The following LCA5L variants were observed in gnomAD, a reference collection of about 807,000 sequenced individuals.
LCA5L encodes lebercilin LCA5 like.
LCA5L carries 35 observed loss-of-function variants against 45.4 expected under a neutral mutation model. That is an observed-to-expected ratio of 0.77 (90% confidence interval 0.59 to 1.02). The LOEUF is 1.02. Among genes scored for constraint, LCA5L ranks in the 50% least tolerant of loss-of-function variants. LCA5L has a pLI of 0.00. For synonymous variants in LCA5L, 233 were observed against 264.7 expected (o/e 0.88, Z 1.16); for missense variants, 668 against 761.6 (o/e 0.88, Z 1.45).
chr21:39,442,206 G>A (rs1232996335), intron 2 of LCA5L, among the ~76,000 whole-genome samples: 2 of 152,162 alleles, frequency 1.3e-5, no homozygotes, highest in Non-Finnish European at 2.9e-5. Flanking sequence ...GAGGGAGGAG[G>A]GAAAAACAAT....
chr21:39,437,469 C>CT (rs1420073111), intron 2 of LCA5L, among the ~76,000 whole-genome samples: 3 of 151,910 alleles, frequency 2.0e-5, no homozygotes, highest in South Asian at 2.1e-4. Context: ...TAAAATTAAT[C>CT]TTTTTTTTGA....
chr21:39,422,582 G>A (rs2073950128), intron 6 of LCA5L: 2 of 267,332 alleles, frequency 7.5e-6, no homozygotes, highest in Admixed American at 1.0e-4. Flanking sequence ...TTTTAGGGAA[G>A]TAGCCTTTTA....
At chr21:39,440,493 C>T (rs1471544762) in intron 2 of LCA5L, among the ~76,000 whole-genome samples, 1 of 152,062 alleles carries the variant, frequency 6.6e-6, no homozygotes, top group African/African-American at 2.4e-5. Flanking sequence ...TTTGATCATG[C>T]CAACACTGCA....
Position 39,406,224 on chromosome 21 carries a change from C to G in LCA5L, c.1671G>C (p.Lys557Asn). 2 of 1,614,238 alleles carry G rather than the reference C, an allele frequency of 1.2e-6. No homozygotes were observed. Among genetic ancestry groups the G allele is most frequent in the Non-Finnish European group, 1.7e-6 (2 of 1,180,040 alleles). The change falls in exon 11 of 11, where the codon AAG becomes AAC. Residue 557 changes from lysine to asparagine, a missense_variant. By Grantham distance (94) the Lys-to-Asn change is moderately conservative. Transcript: ENST00000288350. Reference protein sequence around the residue: ...GNMRYSHSTGKHLSNREEMEL... With the variant: ...GNMRYSHSTGNHLSNREEMEL... The stretch of plus-strand genomic sequence containing the variant: ...CCATTTCCTCTCTGTTACTGAGATG[C>G]TTGCCTGTACTATGACTGTACCTCA...
At chr21:39,407,223 T>TCAAAA (rs903799630) in intron 10 of LCA5L, among the ~76,000 whole-genome samples, 106 of 152,202 alleles carry the variant, frequency 7.0e-4, no homozygotes, top group African/African-American at 2.0e-3. Context: ...CAGAGCTGTT[T>TCAAAA]CAAAACAAAA....
chr21:39,439,297 G>GA lies in LCA5L; in HGVS notation c.-245-3725dup, dbSNP rs140651567. On this transcript the variant is annotated intron_variant, in intron 2 of 10. Coordinates refer to ENST00000288350, the MANE Select transcript of LCA5L (RefSeq NM_152505.4). Reference sequence around the variant, plus strand: ...GATCCTCCCTTGGATCCTCTAGAAGGAATCAGTCCTGCTGACATCCTAACT... The same window carrying GA: ...GATCCTCCCTTGGATCCTCTAGAAGGAAATCAGTCCTGCTGACATCCTAACT... Among the ~76,000 whole-genome samples the GA allele has an allele frequency of 6.6e-4, 101 of 152,308 alleles. 6 individuals are homozygous for GA. The East Asian group carries it at 0.019, about 29-fold the overall frequency.
intron 7 of LCA5L, among the ~76,000 whole-genome samples, chr21:39,419,104 AATTC>A (rs1474304112): frequency 6.6e-6 from 1 of 152,142 alleles, no homozygotes; most frequent in African/African-American, 2.4e-5. Flanking sequence ...ATACCAACAT[AATTC>A]ATCAGATGAA....
chr21:39,410,068 T>G lies in LCA5L; in HGVS notation c.1193A>C (p.His398Pro), dbSNP rs970766892. The change falls in exon 10 of 11, where the codon CAT becomes CCT. Residue 398 changes from histidine (H) to proline (P), a missense_variant. Coordinates refer to ENST00000288350, the MANE Select transcript of LCA5L (RefSeq NM_152505.4). ...ATTTATTTCAGTTGATTTTTCTTTA[T>G]GATCGATGTTTCCTGTTGCCTTTTT... ...KGKKATGNID[H>P]KEKSTEINHE... 5 of 1,611,252 alleles carry G rather than the reference T, an allele frequency of 3.1e-6. No individual in the cohort carries two copies. The Admixed American group carries it at 6.7e-5, about 22-fold the overall frequency.
In LCA5L at chr21:39,422,694, GCTCT is replaced by G. The variant is rs2073967199; in HGVS notation, c.837+278_837+281del. On this transcript the variant is annotated intron_variant, in intron 6 of 10. Transcript: ENST00000288350. ...AAAAGTCCCTTAGCACTGTAGCTGT[GCTCT>G]CTTAGAGAATGGTCATTTCCAGATA... is the stretch of plus-strand genomic sequence containing the variant. 4 of 498,424 alleles carry G rather than the reference GCTCT, an allele frequency of 8.0e-6. No individual in the cohort carries two copies. In the East Asian group the frequency reaches 1.3e-4, roughly 16 times the overall value. 30.9% of individuals were successfully genotyped at this position (498,424 alleles called of 1,614,324 possible).
At chr21:39,425,654 G>A (rs920910640) in intron 5 of LCA5L, among the ~76,000 whole-genome samples, 3 of 152,130 alleles carry the variant, frequency 2.0e-5, no homozygotes, top group African/African-American at 7.2e-5. Context: ...CTAGACCCAG[G>A]CCGTATGGAT....
intron 5 of LCA5L, chr21:39,427,961 G>C: frequency 2.4e-6 from 1 of 419,406 alleles, no homozygotes; most frequent in Admixed American, 4.2e-5. Flanking sequence ...CATGCAGGGG[G>C]CTAGGCTTTA....
chr21:39,407,262 C>G (rs1264723454), intron 10 of LCA5L, among the ~76,000 whole-genome samples: 1 of 152,082 alleles, frequency 6.6e-6, no homozygotes, highest in Non-Finnish European at 1.5e-5. Flanking sequence ...AAGAACAGAA[C>G]AGAACAGAAC....
chr21:39,415,529 A>G (rs921698601), intron 7 of LCA5L, among the ~76,000 whole-genome samples: 11 of 152,166 alleles, frequency 7.2e-5, no homozygotes, highest in African/African-American at 2.7e-4. Context: ...AACTTATTTC[A>G]GTATCTGTAG....
At chr21:39,411,054 G>A in intron 8 of LCA5L, 2 of 386,036 alleles carry the variant, frequency 5.2e-6, no homozygotes, top group Non-Finnish European at 1.0e-5. Context: ...ATACACTAAT[G>A]ATAGTGGCAT....
intron 10 of LCA5L, 27 bp from the exon 11 acceptor site, chr21:39,406,639 T>C (rs747577926): frequency 2.5e-5 from 38 of 1,519,266 alleles, no homozygotes; most frequent in Non-Finnish European, 3.4e-5. Flanking sequence ...GGCAATTTAG[T>C]GCTGTTTAAA....
chr21:39,425,025 T>G (rs2074414929), intron 5 of LCA5L, among the ~76,000 whole-genome samples: 1 of 152,214 alleles, frequency 6.6e-6, no homozygotes. Context: ...CACAGGTGTG[T>G]GCATTTGTAG....
At chr21:39,411,446 C>G (rs2040070821) in intron 8 of LCA5L, among the ~76,000 whole-genome samples, 1 of 152,152 alleles carries the variant, frequency 6.6e-6, no homozygotes, top group Non-Finnish European at 1.5e-5. Context: ...CACTTTTTGG[C>G]AGACATTTTG....
intron 8 of LCA5L, chr21:39,410,991 G>A: frequency 2.1e-6 from 1 of 466,954 alleles, no homozygotes; most frequent in Admixed American, 2.4e-5. Flanking sequence ...AGATTTTGGG[G>A]GGAAAGCAGT....
rs1184893879 is a variant in LCA5L, at chr21:39,405,806, C to T, written c.*76G>A. ...ACACATACATACACTCCCTCTCTCA[C>T]ACATTTCAAAAATAAGATGCAAGGC... On this transcript the variant is annotated 3_prime_UTR_variant, in exon 11 of 11. Transcript: ENST00000288350. The T allele has an allele frequency of 6.1e-6, 7 of 1,152,058 alleles. No homozygotes were observed. Among genetic ancestry groups the T allele is most frequent in the Non-Finnish European group, 8.3e-6 (7 of 841,292 alleles). 71.4% of individuals were successfully genotyped at this position (1,152,058 alleles called of 1,614,324 possible). A position where few individuals can be genotyped will look rare whatever the true frequency, so the allele number is the denominator to read the frequency against.
Sources: allele counts gnomAD v4.1 joint callset (sites outside exome capture counted in the v4.1 genomes callset), GRCh38; gene constraint gnomAD v4.1.1; transcripts MANE v1.5; gene names NCBI Gene and HGNC (gene_info 2026-07-23, HGNC 2026-07-21).